The following TENM2 variants were observed in gnomAD, a reference collection of about 807,000 sequenced individuals.
TENM2 encodes teneurin-2.
In TENM2, 52 loss-of-function variants were observed where a neutral mutation model predicts 245.2. That is an observed-to-expected ratio of 0.21 (90% CI 0.17 to 0.27). The LOEUF is 0.27. Ranked by LOEUF, TENM2 falls within the 10% of genes least tolerant of loss-of-function variation. The pLI, the probability that TENM2 is intolerant of heterozygous loss-of-function variation, is 1.00. For synonymous variants in TENM2, 1,363 were observed against 1,438.9 expected (o/e 0.95, Z 1.19); for missense variants, 3,046 against 3,666.8 (o/e 0.83, Z 4.37).
the TENM2 span, among the ~76,000 whole-genome samples, chr5:167,238,998 G>A: frequency 6.6e-6 from 1 of 152,144 alleles, no homozygotes; most frequent in Non-Finnish European, 1.5e-5. Context: ...TTGCATACTT[G>A]GTTCGTAAAT....
chr5:168,003,454 G>T lies in TENM2; in HGVS notation c.1186+10272G>T, dbSNP rs35090974. On this transcript the variant is annotated intron_variant, in intron 5 of 28. Coordinates refer to ENST00000518659, the Ensembl canonical transcript of TENM2. The stretch of plus-strand genomic sequence containing the variant: ...AAGAAGTAAGAAAAAGGCATAAGAT[G>T]CTGAGAATAGAGTAATTAGAAGCAT... Among the ~76,000 whole-genome samples, 1,444 of 152,134 alleles carry T rather than the reference G, an allele frequency of 9.5e-3. 5 individuals are homozygous for T. The highest frequency in any genetic ancestry group is 0.027 in the South Asian group (130 of 4,814).
chr5:167,696,848 T>C (rs1582777696), intron 2 of TENM2, among the ~76,000 whole-genome samples: 3 of 152,058 alleles, frequency 2.0e-5, no homozygotes, highest in African/African-American at 7.2e-5. Context: ...CTCCTCCTCT[T>C]CCATTCTCAC....
intron 2 of TENM2, among the ~76,000 whole-genome samples, chr5:167,636,581 A>G (rs1186865871): frequency 3.9e-5 from 6 of 152,172 alleles, no homozygotes; most frequent in African/African-American, 1.4e-4. Context: ...GCCCATCTAG[A>G]AGCTTCTTGG....
intron 2 of TENM2, among the ~76,000 whole-genome samples, chr5:167,583,821 G>A (rs1775280916): frequency 6.6e-6 from 1 of 152,114 alleles, no homozygotes; most frequent in South Asian, 2.1e-4. Context: ...ATCTCTCCAG[G>A]ATTCCTTCCA....
chr5:167,172,887 C>T, the TENM2 span, among the ~76,000 whole-genome samples: 2 of 152,124 alleles, frequency 1.3e-5, no homozygotes, highest in Non-Finnish European at 2.9e-5. Flanking sequence ...GGGAAAGTCT[C>T]TTCTCTTTTT....
the TENM2 span, among the ~76,000 whole-genome samples, chr5:167,089,204 A>G: frequency 6.6e-6 from 1 of 152,202 alleles, no homozygotes; most frequent in Non-Finnish European, 1.5e-5. Flanking sequence ...CAAAAATTGT[A>G]ATTATATTTC....
chr5:167,853,122 T>TA (rs1006183724), intron 2 of TENM2, among the ~76,000 whole-genome samples: 3 of 149,856 alleles, frequency 2.0e-5, no homozygotes, highest in Admixed American at 1.3e-4. Context: ...CCGTCTCTAC[T>TA]AAAAAAATAC....
chr5:167,405,915 A>G (rs899038485), intron 2 of TENM2, among the ~76,000 whole-genome samples: 10 of 152,064 alleles, frequency 6.6e-5, no homozygotes, highest in Non-Finnish European at 1.0e-4. Context: ...CAGGATTTCA[A>G]AAACCCCCAA....
chr5:167,802,470 T>G (rs1450271012), intron 2 of TENM2, among the ~76,000 whole-genome samples: 1 of 152,186 alleles, frequency 6.6e-6, no homozygotes, highest in African/African-American at 2.4e-5. Flanking sequence ...GCTAAGAGCC[T>G]AGAATGTGAA....
intron 13 of TENM2, among the ~76,000 whole-genome samples, chr5:168,183,616 C>G (rs984671241): frequency 2.6e-5 from 4 of 152,102 alleles, no homozygotes; most frequent in Non-Finnish European, 5.9e-5. Flanking sequence ...CACGAACAAC[C>G]AGATTTCATC....
intron 2 of TENM2, among the ~76,000 whole-genome samples, chr5:167,637,193 C>T (rs975531169): frequency 3.3e-5 from 5 of 152,086 alleles, no homozygotes; most frequent in Non-Finnish European, 7.4e-5. Flanking sequence ...ATGATTGTTG[C>T]TGTTGCTATC....
At chr5:168,190,256 C>A in intron 13 of TENM2, 81 bp from the exon 16 acceptor site, 1 of 1,083,792 alleles carries the variant, frequency 9.2e-7, no homozygotes, top group Non-Finnish European at 1.4e-6. Context: ...CATGCCTGTG[C>A]TGGTAACAAA....
chr5:167,377,773 A>G (rs1690480594), intron 2 of TENM2, among the ~76,000 whole-genome samples: 1 of 152,140 alleles, frequency 6.6e-6, no homozygotes, highest in African/African-American at 2.4e-5. Flanking sequence ...AAGTTTGGGA[A>G]TGTATTATCA....
chr5:167,392,948 C>T (rs1198755914), intron 2 of TENM2, among the ~76,000 whole-genome samples: 4 of 151,804 alleles, frequency 2.6e-5, no homozygotes, highest in Non-Finnish European at 5.9e-5. Flanking sequence ...ATGGTGAAAC[C>T]CCATCTCTAC....
chr5:167,416,917 AAATC>A (rs1417279207), intron 2 of TENM2, among the ~76,000 whole-genome samples: 1 of 152,172 alleles, frequency 6.6e-6, no homozygotes, highest in South Asian at 2.1e-4. Context: ...GAGATCATTC[AAATC>A]AATCAAATGA....
the TENM2 span, among the ~76,000 whole-genome samples, chr5:167,086,949 A>G: frequency 7.2e-5 from 11 of 151,770 alleles, no homozygotes; most frequent in Admixed American, 5.9e-4. Context: ...ACACACACAC[A>G]CACACACACA....
chr5:168,253,919 C>A (rs1211056478), intron 27 of TENM2, among the ~76,000 whole-genome samples: 1 of 152,204 alleles, frequency 6.6e-6, no homozygotes, highest in Admixed American at 6.5e-5. Context: ...GTTCAGTGAC[C>A]CTCCTAGACG....
chr5:167,696,782 G>A (rs1757795930), intron 2 of TENM2, among the ~76,000 whole-genome samples: 1 of 152,112 alleles, frequency 6.6e-6, no homozygotes, highest in South Asian at 2.1e-4. Flanking sequence ...ACAGCCTCCT[G>A]AGGATCTCCC....
At position 167,981,167 on chromosome 5, in the gene TENM2, G is replaced by A. The variant is rs114392889; in HGVS notation, c.948-11777G>A. Among the ~76,000 whole-genome samples the A allele has an allele frequency of 4.5e-3, 679 of 152,282 alleles. 5 individuals are homozygous for A. The highest frequency in any genetic ancestry group is 0.015 in the African/African-American group (640 of 41,554). The stretch of plus-strand genomic sequence containing the variant: ...CTGCTCCAGAGCTTTCCATGGAATC[G>A]CCATAGGCCCCTCTGCCACAGCATC... On this transcript the variant is annotated intron_variant, in intron 4 of 28. Transcript: ENST00000518659.
Sources: allele counts gnomAD v4.1 joint callset (sites outside exome capture counted in the v4.1 genomes callset), GRCh38; gene constraint gnomAD v4.1.1; transcripts MANE v1.5; gene names NCBI Gene and HGNC (gene_info 2026-07-23, HGNC 2026-07-21).